SORCS2: variants seen among roughly 807,000 people sequenced by gnomAD.
SORCS2 encodes sortilin related VPS10 domain containing receptor 2.
Under a neutral mutation model 141.6 loss-of-function variants are expected in SORCS2, and 100 were observed. The observed-to-expected ratio is 0.71, with a 90% CI of 0.60 to 0.83. The LOEUF (loss-of-function observed/expected upper bound fraction) is 0.83. Ranked by LOEUF, SORCS2 falls within the 40% of genes least tolerant of loss-of-function variation. SORCS2 has a pLI of 0.00. For missense variants in SORCS2, 1,646 were observed against 1,560.2 expected (o/e 1.05, Z -0.93); for synonymous variants, 789 against 676.9 (o/e 1.17, Z -2.57).
chr4:7,590,856 C>A (rs1716870388), intron 3 of SORCS2, among the ~76,000 whole-genome samples: 1 of 152,220 alleles, frequency 6.6e-6, no homozygotes, highest in Non-Finnish European at 1.5e-5. Context: ...TGTGTTAGAC[C>A]ACTGAGGTTG....
intron 2 of SORCS2, among the ~76,000 whole-genome samples, chr4:7,419,388 G>A (rs1280070566): frequency 1.3e-5 from 2 of 152,158 alleles, no homozygotes; most frequent in Non-Finnish European, 2.9e-5. Context: ...ACCAGGAAAG[G>A]CTGTGTGAGC....
intron 1 of SORCS2, among the ~76,000 whole-genome samples, chr4:7,243,826 G>A (rs1230182723): frequency 1.3e-5 from 2 of 152,206 alleles, no homozygotes; most frequent in Admixed American, 6.5e-5. Context: ...CCGGCCTCTG[G>A]GTCAGCACCT....
At chr4:7,546,114 A>G (rs540219664) in intron 3 of SORCS2, among the ~76,000 whole-genome samples, 3 of 152,202 alleles carry the variant, frequency 2.0e-5, no homozygotes, top group African/African-American at 7.2e-5. Context: ...TCACCTTGGG[A>G]TTAGGGGTTC....
intron 2 of SORCS2, among the ~76,000 whole-genome samples, chr4:7,512,038 C>G (rs567286849): frequency 6.6e-6 from 1 of 152,336 alleles, no homozygotes; most frequent in East Asian, 1.9e-4. Context: ...AATACACAGA[C>G]AGCACACTGG....
chr4:7,676,244 G>A lies in SORCS2; in HGVS notation c.1341+15G>A. 2 of 1,548,028 alleles carry A rather than the reference G, an allele frequency of 1.3e-6. No individual in the cohort carries two copies. The highest frequency in any genetic ancestry group is 1.7e-6 in the Non-Finnish European group (2 of 1,145,486). ...ACATCCTGGAGGTGGGTCCAGGGTG[G>A]ATGTGGGCCAGGTCTGCCGCCGACC... On this transcript the variant is annotated intron_variant, in intron 9 of 26. Transcript: ENST00000507866.
intron 1 of SORCS2, among the ~76,000 whole-genome samples, chr4:7,281,972 C>T (rs564531146): frequency 3.7e-4 from 56 of 152,326 alleles, no homozygotes; most frequent in African/African-American, 1.3e-3. Context: ...GGAAACTCCA[C>T]GCACCCACTC....
At chr4:7,494,560 C>T (rs1443331010) in intron 2 of SORCS2, among the ~76,000 whole-genome samples, 1 of 152,116 alleles carries the variant, frequency 6.6e-6, no homozygotes, top group Non-Finnish European at 1.5e-5. Flanking sequence ...TATAAGGGCA[C>T]TGATCCCCTT....
chr4:7,346,373 A>G (rs994127901), intron 1 of SORCS2, among the ~76,000 whole-genome samples: 2 of 152,194 alleles, frequency 1.3e-5, no homozygotes, highest in African/African-American at 2.4e-5. Context: ...ATTGATTTCC[A>G]ATTTGGCTCC....
chr4:7,459,663 C>A (rs1311842246), intron 2 of SORCS2, among the ~76,000 whole-genome samples: 1 of 152,184 alleles, frequency 6.6e-6, no homozygotes, highest in Non-Finnish European at 1.5e-5. Flanking sequence ...GGCCACTGGT[C>A]TCTCTGGTCT....
chr4:7,381,024 G>A (rs1341379599), intron 1 of SORCS2, among the ~76,000 whole-genome samples: 1 of 148,454 alleles, frequency 6.7e-6, no homozygotes, highest in Non-Finnish European at 1.5e-5. Flanking sequence ...AGAGGTTTCA[G>A]TGAGCTGAGA....
At chr4:7,734,191 G>A (rs1299472325) in intron 24 of SORCS2, 81 bp from the exon 25 acceptor site, 7 of 1,047,490 alleles carry the variant, frequency 6.7e-6, no homozygotes, top group Middle Eastern at 2.9e-4. Context: ...GGGACGGGTG[G>A]GGGACAGACG....
chr4:7,589,161 T>C (rs1446466376), intron 3 of SORCS2, among the ~76,000 whole-genome samples: 1 of 152,174 alleles, frequency 6.6e-6, no homozygotes, highest in Non-Finnish European at 1.5e-5. Context: ...GTTTGGCGTT[T>C]CCTGGTAGAA....
intron 3 of SORCS2, among the ~76,000 whole-genome samples, chr4:7,590,760 C>T (rs1160696864): frequency 2.0e-5 from 3 of 152,160 alleles, no homozygotes; most frequent in South Asian, 2.1e-4. Context: ...GCCACTGCGC[C>T]GGCTACTGCT....
chr4:7,736,476 G>A (rs1334683386), intron 25 of SORCS2, among the ~76,000 whole-genome samples: 1 of 152,200 alleles, frequency 6.6e-6, no homozygotes, highest in African/African-American at 2.4e-5. Context: ...TGTGAAATGG[G>A]ACCCTGACCC....
At chr4:7,321,262 A>G (rs1357683109) in intron 1 of SORCS2, among the ~76,000 whole-genome samples, 7 of 152,230 alleles carry the variant, frequency 4.6e-5, no homozygotes, top group Non-Finnish European at 2.9e-5. Flanking sequence ...AGTTGCTGCA[A>G]AATACACAAT....
chr4:7,569,038 G>A (rs1940615430), intron 3 of SORCS2, among the ~76,000 whole-genome samples: 1 of 152,174 alleles, frequency 6.6e-6, no homozygotes, highest in South Asian at 2.1e-4. Context: ...TGTTTCTTGG[G>A]GATGTCTGTA....
At chr4:7,320,946 T>G (rs1718860769) in intron 1 of SORCS2, among the ~76,000 whole-genome samples, 1 of 146,522 alleles carries the variant, frequency 6.8e-6, no homozygotes, top group Non-Finnish European at 1.5e-5. Context: ...CTTATATATA[T>G]AAAATTTCAA....
intron 1 of SORCS2, among the ~76,000 whole-genome samples, chr4:7,276,370 C>G (rs1055991849): frequency 6.6e-6 from 1 of 152,140 alleles, no homozygotes; most frequent in African/African-American, 2.4e-5. Context: ...TTCCCTCCGG[C>G]AGACAAGATA....
In SORCS2 at chr4:7,233,496, C is replaced by T. The variant is rs1003257112; in HGVS notation, c.480+40370C>T. Among the ~76,000 whole-genome samples the T allele has an allele frequency of 2.0e-4, 31 of 152,156 alleles. No individual in the cohort carries two copies. Among genetic ancestry groups the T allele is most frequent in the African/African-American group, 7.5e-4 (31 of 41,434 alleles). On this transcript the variant is annotated intron_variant, in intron 1 of 26. Coordinates refer to ENST00000507866, the MANE Select transcript of SORCS2 (RefSeq NM_020777.3). This position sits in a 1 kb window ranked among gnomAD's most constrained non-coding sequence, Gnocchi z 4.5. ...GTGCAGTACAGACCCTCGCTGGGCT[C>T]AGGGTGAGCAGACACTTGCTGGGTT...
Sources: gnomAD v4.1 joint callset for allele counts (sites outside exome capture counted in the v4.1 genomes callset) on GRCh38, gnomAD v4.1.1 for gene constraint, Gnocchi (gnomAD v3.1) non-coding constraint, MANE v1.5 for transcripts, NCBI Gene and HGNC (gene_info 2026-07-23, HGNC 2026-07-21) for gene names.